PRKAG2: variants seen among roughly 807,000 people sequenced by gnomAD.
PRKAG2 encodes the protein 5'-AMP-activated protein kinase subunit gamma-2.
Under a neutral mutation model 69.6 loss-of-function variants are expected in PRKAG2, and 26 were observed. The observed-to-expected ratio is 0.37, with a 90% CI of 0.27 to 0.52. PRKAG2 has a LOEUF of 0.52. Ranked by LOEUF, PRKAG2 falls within the 20% of genes least tolerant of loss-of-function variation. The probability of loss-of-function intolerance (pLI) is 0.90; values close to 1 mark genes in which losing one functional copy is unlikely to be tolerated. For missense variants in PRKAG2, 557 were observed against 740.0 expected (o/e 0.75, Z 2.87); for synonymous variants, 293 against 285.0 (o/e 1.03, Z -0.28).
intron 1 of PRKAG2, among the ~76,000 whole-genome samples, chr7:151,861,790 T>A (rs565350715): frequency 1.3e-5 from 2 of 152,038 alleles, no homozygotes; most frequent in Non-Finnish European, 2.9e-5. Flanking sequence ...GTGAGGAAAC[T>A]GAGGCTTAGA....
At chr7:151,721,913 C>T (rs916776554) in intron 3 of PRKAG2, among the ~76,000 whole-genome samples, 1 of 152,170 alleles carries the variant, frequency 6.6e-6, no homozygotes, top group African/African-American at 2.4e-5. Context: ...CCTATCCCAA[C>T]CCTGCTACTC....
intron 3 of PRKAG2, among the ~76,000 whole-genome samples, chr7:151,729,315 G>T (rs1016112395): frequency 6.6e-6 from 1 of 152,066 alleles, no homozygotes; most frequent in Admixed American, 6.6e-5. Context: ...AAACAAGGAT[G>T]CCGCACCCCT....
intron 1 of PRKAG2, among the ~76,000 whole-genome samples, chr7:151,874,727 AAAAT>A (rs1335616231): frequency 6.6e-6 from 1 of 152,186 alleles, no homozygotes; most frequent in Non-Finnish European, 1.5e-5. Flanking sequence ...GTCTACAAAA[AAAAT>A]AAATAAATTA....
chr7:151,711,927 C>T (rs529630556), intron 3 of PRKAG2, among the ~76,000 whole-genome samples: 2 of 152,342 alleles, frequency 1.3e-5, no homozygotes, highest in East Asian at 3.9e-4. Context: ...GTGTTGGTGG[C>T]CTGCCACCGA....
intron 3 of PRKAG2, among the ~76,000 whole-genome samples, chr7:151,742,522 G>C (rs907388822): frequency 2.0e-5 from 3 of 152,044 alleles, no homozygotes; most frequent in Non-Finnish European, 4.4e-5. Context: ...TACTCGAGAG[G>C]CTGAGGCAGG....
intron 4 of PRKAG2, among the ~76,000 whole-genome samples, chr7:151,663,304 C>T (rs565341671): frequency 5.3e-5 from 8 of 152,292 alleles, no homozygotes; most frequent in Non-Finnish European, 7.4e-5. Context: ...AATTCTATAA[C>T]GCTCTGAAGG....
intron 10 of PRKAG2, among the ~76,000 whole-genome samples, chr7:151,569,647 A>C (rs1807090226): frequency 6.6e-6 from 1 of 152,210 alleles, no homozygotes; most frequent in South Asian, 2.1e-4. Context: ...TCTGTACTGG[A>C]TTTGAGTTTG....
intron 1 of PRKAG2, among the ~76,000 whole-genome samples, chr7:151,797,132 A>G (rs2077588194): frequency 6.6e-6 from 1 of 151,918 alleles, no homozygotes; most frequent in African/African-American, 2.4e-5. Flanking sequence ...ACCAGCCACG[A>G]GGTGAAAGTG....
intron 3 of PRKAG2, among the ~76,000 whole-genome samples, chr7:151,731,535 T>C (rs73728283): frequency 6.8e-4 from 103 of 151,698 alleles, no homozygotes; most frequent in Middle Eastern, 3.4e-3. Flanking sequence ...TGTGTGTGTG[T>C]GCGCACAGGT....
At position 151,567,759 on chromosome 7, in the gene PRKAG2, G is replaced by A. The variant is rs1806590236; in HGVS notation, c.1233+957C>T. On this transcript the variant is annotated intron_variant, in intron 11 of 15. Transcript: ENST00000287878. This position sits in a 1 kb window ranked among gnomAD's most constrained non-coding sequence, Gnocchi z 4.2. ...TGTAAATGATTAAAATACAAGACTG[G>A]GTTGATTGACAAGGTATTTCTCTCC... Among the ~76,000 whole-genome samples the A allele has an allele frequency of 6.6e-6, 1 of 152,108 alleles. No individual in the cohort carries two copies. Among genetic ancestry groups the A allele is most frequent in the South Asian group, 2.1e-4 (1 of 4,828 alleles).
chr7:151,651,894 T>C (rs981468228), intron 4 of PRKAG2, among the ~76,000 whole-genome samples: 3 of 150,110 alleles, frequency 2.0e-5, no homozygotes, highest in African/African-American at 7.6e-5. Context: ...TTCCAGAGAC[T>C]GGGGCTGGGG....
rs144824533 is a variant in PRKAG2 at position 151,592,132 on chromosome 7, C to T, written c.864+3213G>A. On this transcript the variant is annotated intron_variant, in intron 6 of 15. Coordinates refer to ENST00000287878, the MANE Select transcript of PRKAG2 (RefSeq NM_016203.4). Reference sequence around the variant, plus strand: ...TCTGACACCGGTGCCTCCCCTACCTCGATCCACACCCAGACTCGGGGGAGC... The same window carrying T: ...TCTGACACCGGTGCCTCCCCTACCTTGATCCACACCCAGACTCGGGGGAGC... 5.5e-3 allele frequency among the ~76,000 whole-genome samples: 507 copies of T among 92,272 alleles called. 3 individuals are homozygous for T. The highest frequency in any genetic ancestry group is 0.019 in the African/African-American group (475 of 24,506). The allele number at this position is 92,272 out of a possible 152,430, so 60.5% of individuals were successfully genotyped here.
At chr7:151,762,664 C>A (rs2075488737) in intron 3 of PRKAG2, among the ~76,000 whole-genome samples, 2 of 152,228 alleles carry the variant, frequency 1.3e-5, no homozygotes, top group African/African-American at 2.4e-5. Context: ...TGCCGTAGAA[C>A]AAGCCACTTG....
intron 3 of PRKAG2, among the ~76,000 whole-genome samples, chr7:151,758,427 C>T (rs1303067331): frequency 2.0e-5 from 3 of 152,214 alleles, no homozygotes; most frequent in African/African-American, 4.8e-5. Flanking sequence ...TGTCAACTAC[C>T]CCTGAACTAT....
Position 151,606,268 on chromosome 7 carries a change from A to C in PRKAG2, c.755-10814T>G, listed in dbSNP as rs1817538286. On this transcript the variant is annotated intron_variant, in intron 5 of 15. Coordinates refer to ENST00000287878, the MANE Select transcript of PRKAG2 (RefSeq NM_016203.4). ...ATAAAACAACATCAATCACAACAAAAGTATAAGCTTTTTAAGCTAGGAAAA... is the reference window on the plus strand; with the variant it reads ...ATAAAACAACATCAATCACAACAAACGTATAAGCTTTTTAAGCTAGGAAAA... Among the ~76,000 whole-genome samples, 5 of 152,238 alleles carry C rather than the reference A, an allele frequency of 3.3e-5. No homozygotes were observed. The South Asian group carries it at 1.0e-3, about 31-fold the overall frequency.
chr7:151,658,898 A>T (rs766412062), intron 4 of PRKAG2, among the ~76,000 whole-genome samples: 1 of 152,222 alleles, frequency 6.6e-6, no homozygotes, highest in African/African-American at 2.4e-5. Flanking sequence ...TACTGATGAC[A>T]ATGATCTGCT....
At chr7:151,791,148 A>C (rs140235491) in intron 1 of PRKAG2, among the ~76,000 whole-genome samples, 4 of 151,704 alleles carry the variant, frequency 2.6e-5, no homozygotes, top group Admixed American at 2.0e-4. Flanking sequence ...AAGGCTCCCC[A>C]CCCCCAATCC....
chr7:151,870,737 A>C (rs2080201084), intron 1 of PRKAG2, among the ~76,000 whole-genome samples: 1 of 152,210 alleles, frequency 6.6e-6, no homozygotes, highest in African/African-American at 2.4e-5. Context: ...CAAAGGTCCC[A>C]GGCCATCACC....
chr7:151,737,345 A>T (rs2073504773), intron 3 of PRKAG2, among the ~76,000 whole-genome samples: 1 of 18,442 alleles, frequency 5.4e-5, no homozygotes, highest in Admixed American at 8.4e-4. Flanking sequence ...CATCTCTATT[A>T]AAAAAAAAAA....
Sources: gnomAD v4.1 joint callset for allele counts (sites outside exome capture counted in the v4.1 genomes callset) on GRCh38, gnomAD v4.1.1 for gene constraint, Gnocchi (gnomAD v3.1) non-coding constraint, MANE v1.5 for transcripts, NCBI Gene and HGNC (gene_info 2026-07-23, HGNC 2026-07-21) for gene names.